Variants in KCNIP4 observed in about 807,000 individuals in gnomAD.
KCNIP4 encodes the protein Kv channel-interacting protein 4.
A neutral mutation model predicts 34.0 loss-of-function variants in KCNIP4; 12 were observed. The observed-to-expected ratio is 0.35, with a 90% CI of 0.23 to 0.57. The LOEUF (loss-of-function observed/expected upper bound fraction) is 0.57, where lower values mean the gene tolerates loss of function less well. Among genes scored for constraint, KCNIP4 ranks in the 20% least tolerant of loss-of-function variants. KCNIP4 has a pLI of 0.83. For missense variants in KCNIP4, 238 were observed against 311.7 expected, an observed-to-expected ratio of 0.76 and a Z score of 1.78; for synonymous variants, 124 against 102.2, an observed-to-expected ratio of 1.21 and a Z score of -1.29.
chr4:21,828,952 C>T (rs1486255107), intron 1 of KCNIP4, among the ~76,000 whole-genome samples: 1 of 150,824 alleles, frequency 6.6e-6, no homozygotes, highest in Admixed American at 6.6e-5. Context: ...GGTAACTCTG[C>T]AAAAATACAT....
At chr4:21,332,533 C>G (rs1466821488) in intron 1 of KCNIP4, among the ~76,000 whole-genome samples, 1 of 151,932 alleles carries the variant, frequency 6.6e-6, no homozygotes, top group Admixed American at 6.6e-5. Flanking sequence ...AATCCCCTCT[C>G]TGTAAATGGC....
At chr4:21,770,237 G>A (rs1348787747) in intron 1 of KCNIP4, among the ~76,000 whole-genome samples, 1 of 152,074 alleles carries the variant, frequency 6.6e-6, no homozygotes, top group Non-Finnish European at 1.5e-5. Flanking sequence ...CCATTCCTGT[G>A]TTAGTCTGTT....
chr4:21,378,215 C>T (rs1014443679), intron 1 of KCNIP4, among the ~76,000 whole-genome samples: 1 of 152,134 alleles, frequency 6.6e-6, no homozygotes, highest in Non-Finnish European at 1.5e-5. Context: ...GCTCTTTCAG[C>T]TTATATTTGC....
chr4:20,878,718 T>A (rs1470525508), intron 2 of KCNIP4, among the ~76,000 whole-genome samples: 1 of 152,132 alleles, frequency 6.6e-6, no homozygotes, highest in African/African-American at 2.4e-5. Flanking sequence ...TAAATAAGTT[T>A]ACAGTAATAA....
chr4:21,445,590 G>A (rs909430365), intron 1 of KCNIP4, among the ~76,000 whole-genome samples: 1 of 152,182 alleles, frequency 6.6e-6, no homozygotes, highest in Non-Finnish European at 1.5e-5. Context: ...GCTGAAACTG[G>A]ATCCCTTCCT....
At chr4:21,247,463 C>T (rs1263384764) in intron 1 of KCNIP4, among the ~76,000 whole-genome samples, 1 of 151,006 alleles carries the variant, frequency 6.6e-6, no homozygotes, top group Admixed American at 6.7e-5. Context: ...CTAAGAGAGA[C>T]AGGTGTAGTT....
intron 1 of KCNIP4, among the ~76,000 whole-genome samples, chr4:21,624,508 T>A (rs146492329): frequency 8.7e-4 from 133 of 152,274 alleles, no homozygotes; most frequent in African/African-American, 3.0e-3. Context: ...TTTATCCATA[T>A]ATAATTTGAC....
chr4:20,932,588 T>C (rs951493064), intron 1 of KCNIP4, among the ~76,000 whole-genome samples: 3 of 152,076 alleles, frequency 2.0e-5, no homozygotes, highest in Admixed American at 2.0e-4. Context: ...AAGATAACTA[T>C]GCGAGATGAT....
chr4:21,298,271 G>A (rs1763956395), intron 1 of KCNIP4, among the ~76,000 whole-genome samples: 1 of 152,038 alleles, frequency 6.6e-6, no homozygotes, highest in African/African-American at 2.4e-5. Flanking sequence ...AGAAAGGTTG[G>A]GGTGTGTGTT....
chr4:21,351,138 T>C (rs143406897), intron 1 of KCNIP4, among the ~76,000 whole-genome samples: 1 of 152,256 alleles, frequency 6.6e-6, no homozygotes, highest in Non-Finnish European at 1.5e-5. Flanking sequence ...TTCTGGTAAA[T>C]TAAAATGTAG....
At chr4:21,759,388 A>G (rs1717891894) in intron 1 of KCNIP4, among the ~76,000 whole-genome samples, 1 of 152,176 alleles carries the variant, frequency 6.6e-6, no homozygotes, top group African/African-American at 2.4e-5. Flanking sequence ...TCCTTAACAA[A>G]TCACAAAAGT....
chr4:21,303,928 A>C (rs759264338), intron 1 of KCNIP4: 3 of 1,612,962 alleles, frequency 1.9e-6, no homozygotes, highest in Non-Finnish European at 2.5e-6. Context: ...TCATGGTCCG[A>C]CCACAGCCAC....
intron 1 of KCNIP4, among the ~76,000 whole-genome samples, chr4:21,546,948 T>C (rs1012528516): frequency 7.9e-5 from 12 of 152,150 alleles, no homozygotes; most frequent in African/African-American, 2.9e-4. Flanking sequence ...GAAGGTATGA[T>C]AATAGGAAAT....
chr4:21,229,292 T>C (rs1416690720), intron 1 of KCNIP4, among the ~76,000 whole-genome samples: 3 of 152,178 alleles, frequency 2.0e-5, no homozygotes, highest in Non-Finnish European at 4.4e-5. Context: ...TTTGTAATAA[T>C]AGCTCAATCT....
At chr4:21,586,226 T>C (rs1318746127) in intron 1 of KCNIP4, among the ~76,000 whole-genome samples, 1 of 152,110 alleles carries the variant, frequency 6.6e-6, no homozygotes, top group Non-Finnish European at 1.5e-5. Flanking sequence ...ATTATACACT[T>C]AATTATATAT....
chr4:20,761,399 ATC>A (rs1560445463), intron 3 of KCNIP4, among the ~76,000 whole-genome samples: 1 of 152,238 alleles, frequency 6.6e-6, no homozygotes, highest in South Asian at 2.1e-4. Flanking sequence ...TATACAGCTA[ATC>A]TCTCAAACAT....
chr4:21,213,109 G>A (rs1340293448), intron 1 of KCNIP4, among the ~76,000 whole-genome samples: 4 of 152,004 alleles, frequency 2.6e-5, no homozygotes, highest in Non-Finnish European at 5.9e-5. Context: ...ATCAAGGTCC[G>A]GACGAGGTGC....
rs764571152 is a variant in KCNIP4 at position 21,501,248 on chromosome 4, T to TCTCTCACACACACACACACA, written c.61+447322_61+447323insTGTGTGTGTGTGTGTGAGAG. Among the ~76,000 whole-genome samples the TCTCTCACACACACACACACA allele has an allele frequency of 3.8e-5, 4 of 104,190 alleles. No individual in the cohort carries two copies. In the South Asian group the frequency reaches 1.2e-3, roughly 31 times the overall value. 68.4% of individuals were successfully genotyped at this position (104,190 alleles called of 152,430 possible). On this transcript the variant is annotated intron_variant, in intron 1 of 8. Transcript: ENST00000382152. Reference sequence around the variant, plus strand: ...TTCTCTCTCTCTCTCTCTCTCTCTCTCACACACACACACACACACACACAC... The same window carrying TCTCTCACACACACACACACA: ...TTCTCTCTCTCTCTCTCTCTCTCTCTCTCTCACACACACACACACACACACACACACACACACACACACAC...
At chr4:21,484,168 T>G (rs1358426800) in intron 1 of KCNIP4, among the ~76,000 whole-genome samples, 1 of 151,248 alleles carries the variant, frequency 6.6e-6, no homozygotes, top group Non-Finnish European at 1.5e-5. Context: ...GGCTCACGCC[T>G]GTAATCCCAG....
Sources: gnomAD v4.1 joint callset for allele counts (sites outside exome capture counted in the v4.1 genomes callset) on GRCh38, gnomAD v4.1.1 for gene constraint, MANE v1.5 for transcripts, NCBI Gene and HGNC (gene_info 2026-07-23, HGNC 2026-07-21) for gene names.